The following GTF2IRD1 variants were observed in gnomAD, a reference collection of about 807,000 sequenced individuals.
The protein encoded by GTF2IRD1 is general transcription factor II-I repeat domain-containing protein 1.
A neutral mutation model predicts 113.2 loss-of-function variants in GTF2IRD1; 26 were observed. The observed-to-expected ratio is 0.23, with a 90% CI of 0.17 to 0.32. The LOEUF (loss-of-function observed/expected upper bound fraction) is 0.32. Among genes scored for constraint, GTF2IRD1 ranks in the 10% least tolerant of loss-of-function variants. The pLI is 1.00. For synonymous variants in GTF2IRD1, 484 were observed against 529.1 expected (o/e 0.91, Z 1.17); for missense variants, 864 against 1,280.8 (o/e 0.67, Z 4.97).
intron 1 of GTF2IRD1, among the ~76,000 whole-genome samples, chr7:74,503,255 C>T (rs1796129110): frequency 6.6e-6 from 1 of 152,074 alleles, no homozygotes; most frequent in South Asian, 2.1e-4. Flanking sequence ...GGGCACTGAA[C>T]AGCAGGTGTT....
intron 6 of GTF2IRD1, 41 bp from the exon 7 acceptor site, chr7:74,521,167 G>A: frequency 8.3e-7 from 1 of 1,208,008 alleles, no homozygotes; most frequent in Non-Finnish European, 1.2e-6. Context: ...GAACCCTCTT[G>A]GGTCCCACCT....
At chr7:74,454,406 G>A (rs1015040555) in intron 1 of GTF2IRD1, among the ~76,000 whole-genome samples, 4 of 151,928 alleles carry the variant, frequency 2.6e-5, no homozygotes, top group Admixed American at 2.6e-4. Context: ...GCCCGGGAGG[G>A]GCCGGGAGCT....
chr7:74,546,209 C>T (rs1554353212), intron 16 of GTF2IRD1, among the ~76,000 whole-genome samples: 2 of 151,174 alleles, frequency 1.3e-5, no homozygotes, highest in African/African-American at 4.9e-5. Context: ...GGTGATTCCC[C>T]ATGTTTTTCT....
intron 22 of GTF2IRD1, among the ~76,000 whole-genome samples, chr7:74,569,233 C>T (rs1308583473): frequency 6.6e-6 from 1 of 152,220 alleles, no homozygotes; most frequent in African/African-American, 2.4e-5. Flanking sequence ...CTGGGAAATC[C>T]CCTCCTCCCA....
intron 17 of GTF2IRD1, among the ~76,000 whole-genome samples, chr7:74,548,586 A>G (rs1431378696): frequency 6.6e-6 from 1 of 151,838 alleles, no homozygotes; most frequent in Admixed American, 6.6e-5. Context: ...CCTGGGCAAC[A>G]TGGCAAGACT....
At chr7:74,582,152 G>A (rs1245737971) in intron 22 of GTF2IRD1, among the ~76,000 whole-genome samples, 1 of 152,252 alleles carries the variant, frequency 6.6e-6, no homozygotes, top group Non-Finnish European at 1.5e-5. Context: ...GGCAAGACTG[G>A]TGCCAGCCTG....
chr7:74,556,044 G>A (rs2130756140), intron 19 of GTF2IRD1, among the ~76,000 whole-genome samples: 1 of 152,222 alleles, frequency 6.6e-6, no homozygotes, highest in Non-Finnish European at 1.5e-5. Flanking sequence ...GAGGCCAGGA[G>A]TTCAAGACCA....
chr7:74,601,576 C>G, intron 26 of GTF2IRD1: 2 of 908,432 alleles, frequency 2.2e-6, no homozygotes, highest in Non-Finnish European at 1.5e-6. Context: ...AGTTTGAGAC[C>G]AGGCTGACCA....
intron 1 of GTF2IRD1, among the ~76,000 whole-genome samples, chr7:74,456,160 C>T (rs1792960295): frequency 6.6e-6 from 1 of 152,196 alleles, no homozygotes; most frequent in Non-Finnish European, 1.5e-5. Flanking sequence ...CAGCTGTAAT[C>T]TAGGGTCTTG....
At position 74,512,257 on chromosome 7, in the gene GTF2IRD1, C is replaced by G. The variant is rs868966309; in HGVS notation, c.124-573C>G. Among the ~76,000 whole-genome samples, 13 of 152,194 alleles carry G rather than the reference C, an allele frequency of 8.5e-5. No homozygotes were observed. Among genetic ancestry groups the G allele is most frequent in the Middle Eastern group, 6.3e-3 (2 of 316 alleles). On this transcript the variant is annotated intron_variant, in intron 2 of 26. Coordinates refer to ENST00000424337, the MANE Select transcript of GTF2IRD1 (RefSeq NM_005685.4). The surrounding 1 kb of genome is among the most constrained non-coding windows in gnomAD (Gnocchi z 4.4). ...GTCCCAGCTACTCGGGAGGCTGAGG[C>G]AGGAGAATCGCTTGAACCTGGGAGG...
Position 74,580,465 on chromosome 7 carries a change from G to A in GTF2IRD1, c.2321-9386G>A, listed in dbSNP as rs1450794062. The stretch of plus-strand genomic sequence containing the variant: ...AGAGTCAGGGCTGGCCAGGGCTCTT[G>A]CACTTTGCCCCGAGAGAGAGCCGTG... On this transcript the variant is annotated intron_variant, in intron 22 of 26. Coordinates refer to ENST00000424337, the MANE Select transcript of GTF2IRD1 (RefSeq NM_005685.4). 3.3e-5 allele frequency among the ~76,000 whole-genome samples: 5 copies of A among 152,280 alleles called. No individual in the cohort carries two copies. The East Asian group carries it at 9.6e-4, about 29-fold the overall frequency.
intron 6 of GTF2IRD1, among the ~76,000 whole-genome samples, chr7:74,520,137 GGT>G (rs1554345629): frequency 6.9e-6 from 1 of 145,914 alleles, no homozygotes; most frequent in Admixed American, 6.9e-5. Context: ...CGATATTTCA[GGT>G]GTCAAAGGTG....
chr7:74,568,337 TAAAAAA>T (rs782743930), intron 22 of GTF2IRD1, among the ~76,000 whole-genome samples: 6 of 91,990 alleles, frequency 6.5e-5, no homozygotes, highest in Admixed American at 1.4e-4. Flanking sequence ...CATCTCTATT[TAAAAAA>T]AAAAAAAAAA....
At chr7:74,525,329 G>A (rs1355025277) in intron 8 of GTF2IRD1, among the ~76,000 whole-genome samples, 4 of 152,164 alleles carry the variant, frequency 2.6e-5, no homozygotes, top group Non-Finnish European at 5.9e-5. Flanking sequence ...GTGACACATT[G>A]GGAACTTGAC....
chr7:74,521,140 C>G (rs1218254077), intron 6 of GTF2IRD1, 68 bp from the exon 7 acceptor site: 1 of 878,814 alleles, frequency 1.1e-6, no homozygotes, highest in Non-Finnish European at 1.9e-6. Context: ...GGCCTGTGCA[C>G]TGGGGCCAGA....
chr7:74,521,583 G>T (rs587625709), intron 7 of GTF2IRD1, among the ~76,000 whole-genome samples: 5 of 152,034 alleles, frequency 3.3e-5, no homozygotes, highest in African/African-American at 1.2e-4. Context: ...GCAATGTAGC[G>T]AAATGCTGTC....
chr7:74,576,545 G>GAA (rs1335880972), intron 22 of GTF2IRD1, among the ~76,000 whole-genome samples: 2 of 41,294 alleles, frequency 4.8e-5, no homozygotes, highest in Non-Finnish European at 5.2e-5. Context: ...TGGGCTACAA[G>GAA]AAAAAAAAAA....
chr7:74,461,134 A>T (rs1793338019), intron 1 of GTF2IRD1, among the ~76,000 whole-genome samples: 2 of 152,264 alleles, frequency 1.3e-5, no homozygotes, highest in South Asian at 4.1e-4. Flanking sequence ...CCCCGTGGGG[A>T]TGCCACAGCA....
At chr7:74,536,403 G>A in intron 11 of GTF2IRD1, 128 bp downstream of exon 11, 1 of 602,066 alleles carries the variant, frequency 1.7e-6, no homozygotes, top group Non-Finnish European at 3.0e-6. Flanking sequence ...GCAAAGGGAG[G>A]GCAAGGGAAA....
Sources: gnomAD v4.1 joint callset for allele counts (sites outside exome capture counted in the v4.1 genomes callset) on GRCh38, gnomAD v4.1.1 for gene constraint, Gnocchi (gnomAD v3.1) non-coding constraint, MANE v1.5 for transcripts, NCBI Gene and HGNC (gene_info 2026-07-23, HGNC 2026-07-21) for gene names.